CDH8: variants seen among roughly 807,000 people sequenced by gnomAD.
The protein encoded by CDH8 is cadherin 8.
A neutral mutation model predicts 68.1 loss-of-function variants in CDH8; 17 were observed. The observed-to-expected ratio is 0.25, with a 90% CI of 0.17 to 0.37. The LOEUF (loss-of-function observed/expected upper bound fraction) is 0.37. Ranked by LOEUF, CDH8 falls within the 10% of genes least tolerant of loss-of-function variation. CDH8 has a pLI of 1.00. For missense variants in CDH8, 763 were observed against 999.3 expected (o/e 0.76, Z 3.19); for synonymous variants, 372 against 365.1 (o/e 1.02, Z -0.21).
chr16:61,728,508 C>A (rs1350398831), intron 8 of CDH8, among the ~76,000 whole-genome samples: 1 of 150,886 alleles, frequency 6.6e-6, no homozygotes, highest in Admixed American at 6.6e-5. Context: ...CCTCATATAC[C>A]CTTTTTAAAT....
intron 3 of CDH8, among the ~76,000 whole-genome samples, chr16:61,897,771 A>G (rs1963895363): frequency 6.6e-6 from 1 of 152,186 alleles, no homozygotes; most frequent in Non-Finnish European, 1.5e-5. Context: ...TGAATTAGAG[A>G]GTTCTCTGGC....
chr16:61,780,446 C>T (rs1471137954), intron 8 of CDH8, among the ~76,000 whole-genome samples: 1 of 152,204 alleles, frequency 6.6e-6, no homozygotes, highest in Non-Finnish European at 1.5e-5. Flanking sequence ...AATGACATCT[C>T]CATTCTCATT....
At chr16:61,807,274 A>C (rs901788577) in intron 7 of CDH8, among the ~76,000 whole-genome samples, 72 of 143,630 alleles carry the variant, frequency 5.0e-4, no homozygotes, top group African/African-American at 1.8e-3. Flanking sequence ...TTGAACAATG[A>C]GATCACATGG....
intron 8 of CDH8, 32 bp downstream of exon 8, chr16:61,789,314 C>A (rs769194231): frequency 1.2e-5 from 19 of 1,596,254 alleles, no homozygotes; most frequent in Admixed American, 1.0e-4. Context: ...CTCAGTCACA[C>A]AAGGAAGAAA....
Position 61,999,389 on chromosome 16 carries a change from A to T in CDH8, c.252+21763T>A, listed in dbSNP as rs1324172892. Among the ~76,000 whole-genome samples the T allele has an allele frequency of 8.5e-5, 13 of 152,318 alleles. No individual in the cohort carries two copies. The East Asian group carries it at 2.5e-3, about 29-fold the overall frequency. ...AAGGAAGATTGAGATTTAGAGGCAGAAACTCAGAGTAAAAGGATCATGAAA... is the reference window on the plus strand; with the variant it reads ...AAGGAAGATTGAGATTTAGAGGCAGTAACTCAGAGTAAAAGGATCATGAAA... On this transcript the variant is annotated intron_variant, in intron 2 of 11. Coordinates refer to ENST00000577390, the MANE Select transcript of CDH8 (RefSeq NM_001796.5).
intron 10 of CDH8, among the ~76,000 whole-genome samples, chr16:61,672,830 T>C (rs1222321125): frequency 5.9e-5 from 9 of 152,084 alleles, no homozygotes; most frequent in African/African-American, 2.2e-4. Context: ...TATGAGGTTA[T>C]TATAGTATTC....
At chr16:61,818,678 T>C (rs1962137994) in intron 6 of CDH8, among the ~76,000 whole-genome samples, 1 of 152,170 alleles carries the variant, frequency 6.6e-6, no homozygotes, top group African/African-American at 2.4e-5. Flanking sequence ...AGCCCAATTT[T>C]TGGCAACTCA....
chr16:61,887,499 T>C (rs946049324), intron 3 of CDH8, among the ~76,000 whole-genome samples: 1 of 152,188 alleles, frequency 6.6e-6, no homozygotes, highest in Non-Finnish European at 1.5e-5. Context: ...GGCTTGCAGA[T>C]GGCTTCCCTC....
chr16:61,706,872 A>T (rs920320033), intron 10 of CDH8, among the ~76,000 whole-genome samples: 2 of 152,162 alleles, frequency 1.3e-5, no homozygotes, highest in Admixed American at 1.3e-4. Flanking sequence ...GTCACTCTTA[A>T]ATATTCCACT....
At chr16:61,677,133 G>A (rs935163931) in intron 10 of CDH8, among the ~76,000 whole-genome samples, 2 of 151,810 alleles carry the variant, frequency 1.3e-5, no homozygotes, top group East Asian at 3.9e-4. Flanking sequence ...ATTGGGGTAT[G>A]TTTTTGTCTT....
At position 61,817,473 on chromosome 16, in the gene CDH8, A is replaced by G. The variant is rs768590514; in HGVS notation, c.1277+6T>C. The G allele has an allele frequency of 1.9e-6, 3 of 1,613,848 alleles. 1 individual carries two copies. In the Admixed American group the frequency reaches 5.0e-5, roughly 27 times the overall value. On this transcript the variant is annotated splice_donor_region_variant and intron_variant, in intron 7 of 11. Coordinates refer to ENST00000577390, the MANE Select transcript of CDH8 (RefSeq NM_001796.5). Reference sequence around the variant, plus strand: ...GTAGCCAGTATTCCTTTTAAAATAAAAATACCTTATAGGACTGGAAGTGAT... The same window carrying G: ...GTAGCCAGTATTCCTTTTAAAATAAGAATACCTTATAGGACTGGAAGTGAT...
At chr16:61,768,348 C>T (rs953334207) in intron 8 of CDH8, among the ~76,000 whole-genome samples, 2 of 112,220 alleles carry the variant, frequency 1.8e-5, no homozygotes, top group South Asian at 3.1e-4. Flanking sequence ...CTCTCTCTCT[C>T]TCTCTCTCTC....
At chr16:61,718,175 AT>A (rs1389818474) in intron 9 of CDH8, among the ~76,000 whole-genome samples, 1 of 151,330 alleles carries the variant, frequency 6.6e-6, no homozygotes, top group African/African-American at 2.4e-5. Context: ...GACCTTCAAT[AT>A]TTTGGAGTGT....
At chr16:61,917,472 A>G (rs376093470) in intron 2 of CDH8, among the ~76,000 whole-genome samples, 1 of 152,120 alleles carries the variant, frequency 6.6e-6, no homozygotes, top group African/African-American at 2.4e-5. Flanking sequence ...TATAAATCCT[A>G]AGGCAGACTG....
At chr16:61,731,816 A>G (rs1257019560) in intron 8 of CDH8, among the ~76,000 whole-genome samples, 5 of 151,852 alleles carry the variant, frequency 3.3e-5, no homozygotes, top group Admixed American at 2.6e-4. Flanking sequence ...CAGATTTAAC[A>G]GAGTTCAAAG....
chr16:61,831,138 T>C (rs1259548231), intron 4 of CDH8, among the ~76,000 whole-genome samples: 1 of 151,696 alleles, frequency 6.6e-6, no homozygotes, highest in Non-Finnish European at 1.5e-5. Flanking sequence ...TAGTTCCAGA[T>C]GAGAGAATAC....
chr16:61,809,771 T>G (rs1961894483), intron 7 of CDH8, among the ~76,000 whole-genome samples: 1 of 152,198 alleles, frequency 6.6e-6, no homozygotes, highest in Admixed American at 6.5e-5. Context: ...ATACTTTAGA[T>G]GCTGTGCAGA....
At chr16:61,961,465 C>G (rs2150571761) in intron 2 of CDH8, among the ~76,000 whole-genome samples, 1 of 152,302 alleles carries the variant, frequency 6.6e-6, no homozygotes, top group East Asian at 1.9e-4. Context: ...TCTCTCTTTT[C>G]TGTCTCCCAC....
intron 10 of CDH8, among the ~76,000 whole-genome samples, chr16:61,695,938 T>C (rs1384254813): frequency 2.6e-5 from 4 of 152,190 alleles, no homozygotes; most frequent in Non-Finnish European, 5.9e-5. Flanking sequence ...GAAAAATGGA[T>C]TGATAGCTGC....
Sources: allele counts gnomAD v4.1 joint callset (sites outside exome capture counted in the v4.1 genomes callset), GRCh38; gene constraint gnomAD v4.1.1; transcripts MANE v1.5; gene names NCBI Gene and HGNC (gene_info 2026-07-23, HGNC 2026-07-21).